The following CR1 variants were observed in gnomAD, a reference collection of about 807,000 sequenced individuals.
CR1 encodes complement receptor type 1.
Under a neutral mutation model 187.3 loss-of-function variants are expected in CR1, and 116 were observed. The ratio of observed to expected loss-of-function variants is 0.62; its 90% CI spans 0.53 to 0.72. CR1 has a LOEUF of 0.72. Among genes scored for constraint, CR1 ranks in the 30% least tolerant of loss-of-function variants. CR1 has a pLI of 0.00. For synonymous variants in CR1, 576 were observed against 747.1 expected, an observed-to-expected ratio of 0.77 and a Z score of 3.73; for missense variants, 1,731 against 2,110.7, an observed-to-expected ratio of 0.82 and a Z score of 3.52.
At chr1:207,602,299 T>C (rs1462193927) in intron 35 of CR1, among the ~76,000 whole-genome samples, 1 of 152,122 alleles carries the variant, frequency 6.6e-6, no homozygotes, top group Non-Finnish European at 1.5e-5. Flanking sequence ...ATTATAGCCA[T>C]AATTAAAGTT....
intron 46 of CR1, among the ~76,000 whole-genome samples, chr1:207,632,752 C>T (rs1280055876): frequency 7.2e-6 from 1 of 138,106 alleles, no homozygotes; most frequent in African/African-American, 2.9e-5. Context: ...GAGCCGAGAT[C>T]GCGCCACTGT....
rs1661185073 is a variant in CR1 at position 207,588,749 on chromosome 1, A to G, written c.5785A>G (p.Thr1929Ala). 1.2e-6 allele frequency: 2 copies of G among 1,611,124 alleles called. No individual in the cohort carries two copies. The highest frequency in any genetic ancestry group is 2.7e-5 in the African/African-American group (2 of 74,868). Reference protein sequence around the residue: ...HINTDTQFGSTVNYSCNEGFR... With the variant: ...HINTDTQFGSAVNYSCNEGFR... ...AAACACAGATACACAGTTTGGATCA[A>G]CAGTTAATTATTCTTGTAATGAAGG... Residue 1929 changes from threonine (T) to alanine (A), a missense_variant, in exon 35 of 47, where the codon ACA (threonine) becomes GCA (alanine). Coordinates refer to ENST00000367049, the MANE Select transcript of CR1 (RefSeq NM_000651.6).
intron 35 of CR1, among the ~76,000 whole-genome samples, chr1:207,599,795 G>A (rs575015576): frequency 2.0e-5 from 3 of 152,340 alleles, no homozygotes; most frequent in Admixed American, 6.5e-5. Flanking sequence ...ACACATATGT[G>A]TGTTTGATTG....
intron 37 of CR1, among the ~76,000 whole-genome samples, chr1:207,611,410 A>C (rs1465654889): frequency 6.6e-6 from 1 of 152,194 alleles, no homozygotes; most frequent in African/African-American, 2.4e-5. Flanking sequence ...AGTTGAAAGC[A>C]AGAGGAATAT....
chr1:207,500,975 A>G (rs775124755), intron 1 of CR1, among the ~76,000 whole-genome samples: 1 of 151,986 alleles, frequency 6.6e-6, no homozygotes, highest in Admixed American at 6.5e-5. Context: ...ACCTAGATGG[A>G]TCTCTAATTA....
At position 207,587,672 on chromosome 1, in the gene CR1, G is replaced by A. The variant is rs1661153334; in HGVS notation, c.5710+107G>A. On this transcript the variant is annotated intron_variant, in intron 34 of 46. Coordinates refer to ENST00000367049, the MANE Select transcript of CR1 (RefSeq NM_000651.6). ...CCATCACTTTGGGAGGCCAAGGCTG[G>A]CAGATAGCTTGAACTCAGGAGTTCG... The A allele has an allele frequency of 3.6e-6, 4 of 1,126,546 alleles. No homozygotes were observed. The East Asian group carries it at 7.7e-5, about 22-fold the overall frequency. 69.8% of individuals were successfully genotyped at this position (1,126,546 alleles called of 1,614,324 possible).
chr1:207,581,354 A>ATATGTATACGTATACG (rs1660945756), intron 31 of CR1, among the ~76,000 whole-genome samples: 1 of 146,254 alleles, frequency 6.8e-6, no homozygotes, highest in South Asian at 2.1e-4. Context: ...ATACGTATAC[A>ATATGTATACGTATACG]TGTCCATATG....
At chr1:207,498,877 C>CAAAAAAAAAAAAAAAAAAAAAAAAAAA (rs56044498) in intron 1 of CR1, among the ~76,000 whole-genome samples, 5 of 50,100 alleles carry the variant, frequency 1.0e-4, no homozygotes, top group Admixed American at 3.2e-4. Context: ...AACTCCAAAT[C>CAAAAAAAAAAAAAAAAAAAAAAAAAAA]AAAAAAAAAA....
chr1:207,622,027 T>G (rs1342241967), intron 44 of CR1, 31 bp downstream of exon 44: 1 of 1,572,976 alleles, frequency 6.4e-7, no homozygotes, highest in Admixed American at 1.8e-5. Context: ...GCTGAGGAAT[T>G]CTGGCATCTA....
intron 29 of CR1, among the ~76,000 whole-genome samples, chr1:207,579,291 A>C (rs904241504): frequency 6.6e-6 from 1 of 152,182 alleles, no homozygotes; most frequent in African/African-American, 2.4e-5. Flanking sequence ...TGGTTGATAC[A>C]TAGGGACAGA....
intron 35 of CR1, among the ~76,000 whole-genome samples, chr1:207,592,129 GAGACACAAT>G (rs1163470703): frequency 1.3e-5 from 2 of 152,166 alleles, no homozygotes; most frequent in African/African-American, 4.8e-5. Context: ...AAACCTGGCA[GAGACACAAT>G]AAAAAAGGAA....
rs1660082626 is a variant in CR1, at chr1:207,523,978, A to G, written c.855A>G (p.Lys285=). 6.2e-7 allele frequency: 1 copy of G among 1,611,652 alleles called. No individual in the cohort carries two copies. The highest frequency in any genetic ancestry group is 1.3e-5 in the African/African-American group (1 of 74,790). The change falls in exon 5 of 47, where the codon AAA becomes AAG. Residue 285 remains lysine (K), a synonymous_variant. Coordinates refer to ENST00000367049, the MANE Select transcript of CR1 (RefSeq NM_000651.6). Reference sequence around the variant, plus strand: ...GTGTGAAGTGCCAGGCCCTGAACAAATGGGAGCCGGAGCTACCAAGCTGCT... The same window carrying G: ...GTGTGAAGTGCCAGGCCCTGAACAAGTGGGAGCCGGAGCTACCAAGCTGCT... The part of the protein sequence containing the change: ...PRRVKCQALN[K]WEPELPSCSR...
At chr1:207,564,861 A>T (rs1442981790) in intron 23 of CR1, among the ~76,000 whole-genome samples, 1 of 150,422 alleles carries the variant, frequency 6.6e-6, no homozygotes, top group Non-Finnish European at 1.5e-5. Flanking sequence ...GTCCCAGGAA[A>T]AATTGCAAGT....
chr1:207,614,376 C>T (rs1355326105), intron 39 of CR1, 28 bp from the exon 40 acceptor site: 2 of 1,575,202 alleles, frequency 1.3e-6, no homozygotes, highest in African/African-American at 2.7e-5. Flanking sequence ...ATTGCTCACA[C>T]ATTTGCTACC....
At chr1:207,579,693 A>C (rs1660877550) in intron 29 of CR1, among the ~76,000 whole-genome samples, 1 of 152,224 alleles carries the variant, frequency 6.6e-6, no homozygotes, top group African/African-American at 2.4e-5. Context: ...GTATAAACAC[A>C]GTTGCCTGCC....
intron 5 of CR1, among the ~76,000 whole-genome samples, 189 bp from the exon 6 acceptor site, chr1:207,526,564 G>A (rs1306682274): frequency 2.6e-5 from 4 of 151,310 alleles, no homozygotes; most frequent in African/African-American, 7.4e-5. Flanking sequence ...GTTGTGCCAC[G>A]TGTCAGTTCT....
At chr1:207,496,444 C>T in intron 1 of CR1, 56 bp downstream of exon 1, 2 of 1,531,180 alleles carry the variant, frequency 1.3e-6, no homozygotes, top group Middle Eastern at 2.3e-4. Context: ...CCCGGGGCCC[C>T]GCAGAGAACT....
chr1:207,623,911 CTTTTTTTTTTTTTTTT>C lies in CR1; in HGVS notation c.7352+860_7352+875del, dbSNP rs71154830. On this transcript the variant is annotated intron_variant, in intron 45 of 46. Transcript: ENST00000367049. ...ACAAATATTTTGTAAACACCATTAA[CTTTTTTTTTTTTTTTT>C]TTTTTTTTTTTTTTTTAAGACCGAG... is the stretch of plus-strand genomic sequence containing the variant. Among the ~76,000 whole-genome samples, 9 of 52,452 alleles carry C rather than the reference CTTTTTTTTTTTTTTTT, an allele frequency of 1.7e-4. No individual in the cohort carries two copies. The South Asian group carries it at 5.7e-3, about 33-fold the overall frequency. The allele number at this position is 52,452 out of a possible 152,430, so 34.4% of individuals were successfully genotyped here.
chr1:207,609,219 T>A, intron 36 of CR1, 71 bp from the exon 37 acceptor site: 1 of 1,304,896 alleles, frequency 7.7e-7, no homozygotes, highest in Non-Finnish European at 1.0e-6. Context: ...TTGCATTTGG[T>A]ATTTAAATTC....
Sources: gnomAD v4.1 joint callset for allele counts (sites outside exome capture counted in the v4.1 genomes callset) on GRCh38, gnomAD v4.1.1 for gene constraint, MANE v1.5 for transcripts, NCBI Gene and HGNC (gene_info 2026-07-23, HGNC 2026-07-21) for gene names.